Variants in BIN3 observed in about 807,000 individuals in gnomAD.
The protein encoded by BIN3 is bridging integrator 3.
In BIN3, 41 loss-of-function variants were observed where a neutral mutation model predicts 38.2. The ratio of observed to expected loss-of-function variants is 1.07; its 90% CI spans 0.84 to 1.39. The LOEUF (loss-of-function observed/expected upper bound fraction) is 1.39, where lower values mean the gene tolerates loss of function less well. Among genes scored for constraint, BIN3 ranks in the 40% most tolerant of loss-of-function variants. The probability of loss-of-function intolerance (pLI) is 0.00; values close to 1 mark genes in which losing one functional copy is unlikely to be tolerated. For missense variants in BIN3, 361 were observed against 324.3 expected, an observed-to-expected ratio of 1.11 and a Z score of -0.87; for synonymous variants, 145 against 122.6, an observed-to-expected ratio of 1.18 and a Z score of -1.21.
chr8:22,624,005 C>T lies in BIN3; in HGVS notation c.525G>A (p.Lys175=). 1 of 1,612,868 alleles carries T rather than the reference C, an allele frequency of 6.2e-7. No individual in the cohort carries two copies. The highest frequency in any genetic ancestry group is 8.5e-7 in the Non-Finnish European group (1 of 1,179,674). ...LRPVREDFEA[K]NRQLLEEMPR... Reference sequence around the variant, plus strand: ...GCATCTCCTCCAGCAGCTGCCTGTTCTTGGCTTCAAAGTCCTCCCGCACAG... The same window carrying T: ...GCATCTCCTCCAGCAGCTGCCTGTTTTTGGCTTCAAAGTCCTCCCGCACAG... Residue 175 remains lysine, a synonymous_variant, in exon 8 of 9, where the codon AAG becomes AAA. Transcript: ENST00000276416.
intron 6 of BIN3, chr8:22,625,111 G>C: frequency 1.9e-6 from 1 of 530,036 alleles, no homozygotes; most frequent in South Asian, 2.9e-5. Context: ...ACTGTGACTA[G>C]AAGGGACCGC....
chr8:22,644,104 T>C (rs1802644562), intron 2 of BIN3, among the ~76,000 whole-genome samples: 1 of 152,252 alleles, frequency 6.6e-6, no homozygotes, highest in Non-Finnish European at 1.5e-5. Context: ...GGGCCTCATT[T>C]TCTTCATCAG....
chr8:22,620,808 T>C lies in BIN3; in HGVS notation c.*614A>G, dbSNP rs1025726742. 1.3e-5 allele frequency: 2 copies of C among 152,296 alleles called. No homozygotes were observed. Among genetic ancestry groups the C allele is most frequent in the Admixed American group, 1.3e-4 (2 of 15,292 alleles). 9.4% of individuals were successfully genotyped at this position (152,296 alleles called of 1,614,324 possible). Reference sequence around the variant, plus strand: ...TCCTGCTTTGAGACCTGTGAATTCTTGTGGGACAGTTCCACTGACAGCTTG... The same window carrying C: ...TCCTGCTTTGAGACCTGTGAATTCTCGTGGGACAGTTCCACTGACAGCTTG... On this transcript the variant is annotated 3_prime_UTR_variant, in exon 9 of 9. Coordinates refer to ENST00000276416, the MANE Select transcript of BIN3 (RefSeq NM_018688.6).
rs1182050653 is a variant in BIN3 at position 22,669,098 on chromosome 8, T to C, written c.-47A>G. On this transcript the variant is annotated 5_prime_UTR_variant, in exon 1 of 9. Coordinates refer to ENST00000276416, the MANE Select transcript of BIN3 (RefSeq NM_018688.6). ...GCCGGGGTCCTCAGCCACAACTCGT[T>C]TCTCTAGGGTCACTTCCGGATTCAA... 1 of 1,578,364 alleles carries C rather than the reference T, an allele frequency of 6.3e-7. No individual in the cohort carries two copies. The highest frequency in any genetic ancestry group is 1.3e-5 in the African/African-American group (1 of 74,090).
intron 2 of BIN3, among the ~76,000 whole-genome samples, chr8:22,639,466 A>C (rs887624706): frequency 6.6e-6 from 1 of 152,152 alleles, no homozygotes; most frequent in Non-Finnish European, 1.5e-5. Context: ...TCCTGGCCTC[A>C]AGTGATCCTC....
At chr8:22,643,108 A>G (rs1178972350) in intron 2 of BIN3, among the ~76,000 whole-genome samples, 2 of 152,148 alleles carry the variant, frequency 1.3e-5, no homozygotes, top group African/African-American at 4.8e-5. Context: ...GAATAAAAGA[A>G]CCCTCTTGAA....
At chr8:22,667,035 C>T (rs927721963) in intron 1 of BIN3, among the ~76,000 whole-genome samples, 2 of 152,156 alleles carry the variant, frequency 1.3e-5, no homozygotes, top group African/African-American at 2.4e-5. Context: ...GCCCAGGCGC[C>T]GGTGCTGTTC....
chr8:22,659,149 G>A (rs1040925479), intron 1 of BIN3, among the ~76,000 whole-genome samples: 25 of 152,218 alleles, frequency 1.6e-4, no homozygotes, highest in African/African-American at 5.8e-4. Flanking sequence ...CCTCTGTGTC[G>A]GGCCAGCTGG....
intron 5 of BIN3, among the ~76,000 whole-genome samples, 181 bp downstream of exon 5, chr8:22,630,261 G>A (rs1218886271): frequency 6.6e-6 from 1 of 152,232 alleles, no homozygotes; most frequent in Non-Finnish European, 1.5e-5. Flanking sequence ...GGCAGGTAGA[G>A]CCAAGGCAGA....
At chr8:22,651,607 A>G (rs963860301) in intron 1 of BIN3, among the ~76,000 whole-genome samples, 1 of 152,266 alleles carries the variant, frequency 6.6e-6, no homozygotes, top group Non-Finnish European at 1.5e-5. Context: ...AATTTCTGCC[A>G]GAATTTCAAA....
In BIN3 at chr8:22,624,230, G is replaced by C. The variant is rs2117497930; in HGVS notation, c.472C>G (p.Leu158Val). 1 of 1,613,528 alleles carries C rather than the reference G, an allele frequency of 6.2e-7. No homozygotes were observed. Among genetic ancestry groups the C allele is most frequent in the South Asian group, 1.1e-5 (1 of 90,980 alleles). ...KEKTGPVLAK[L>V]HQAREELRPV... is the part of the protein sequence containing the mutation. ...CCTGTCTCCCCTGGTACCTGGTGGA[G>C]CTTGGCCAGCACTGGCCCCGTCTTC... Residue 158 changes from leucine (L) to valine (V), a missense_variant, in exon 7 of 9, where the codon CTC (leucine) becomes GTC (valine). Transcript: ENST00000276416.
intron 8 of BIN3, among the ~76,000 whole-genome samples, chr8:22,623,567 G>A (rs1247643574): frequency 1.3e-5 from 2 of 152,266 alleles, no homozygotes; most frequent in African/African-American, 2.4e-5. Context: ...CTTTCTTCTC[G>A]GCACCACCCT....
rs6998477 is a variant in BIN3, at chr8:22,643,752, A to G, written c.57+1003T>C. 2.2e-3 allele frequency among the ~76,000 whole-genome samples: 335 copies of G among 152,296 alleles called. 1 individual carries two copies. Among genetic ancestry groups the G allele is most frequent in the African/African-American group, 7.7e-3 (320 of 41,554 alleles). On this transcript the variant is annotated intron_variant, in intron 2 of 8. Transcript: ENST00000276416. ...TGTACTTTTGAGAGCTCTGCCAAGG[A>G]GGGGAGAAGCTAGTAAGACAAGGAG...
chr8:22,625,391 G>C (rs1027155594), intron 6 of BIN3: 2 of 702,482 alleles, frequency 2.8e-6, no homozygotes, highest in African/African-American at 1.7e-5. Flanking sequence ...AGGTGACCCA[G>C]GACCAGAAGA....
At chr8:22,643,384 G>A (rs965733063) in intron 2 of BIN3, among the ~76,000 whole-genome samples, 1 of 152,158 alleles carries the variant, frequency 6.6e-6, no homozygotes, top group Admixed American at 6.5e-5. Context: ...AGGGTGGAGT[G>A]CAGTGGTGCA....
intron 2 of BIN3, among the ~76,000 whole-genome samples, chr8:22,644,179 A>G (rs1802647232): frequency 6.6e-6 from 1 of 152,206 alleles, no homozygotes; most frequent in South Asian, 2.1e-4. Context: ...CTAAGAATCT[A>G]TGATTCTCTT....
chr8:22,667,772 G>A (rs1414277174), intron 1 of BIN3, among the ~76,000 whole-genome samples: 1 of 152,170 alleles, frequency 6.6e-6, no homozygotes, highest in Non-Finnish European at 1.5e-5. Context: ...CCGTGCTTGC[G>A]GTGATTGTCT....
chr8:22,659,144 G>C (rs138468161), intron 1 of BIN3, among the ~76,000 whole-genome samples: 2,096 of 152,362 alleles, frequency 0.014, 47 homozygotes, highest in African/African-American at 0.047. Flanking sequence ...GCCATCCTCT[G>C]TGTCGGGCCA....
intron 5 of BIN3, 116 bp downstream of exon 5, chr8:22,630,326 A>C (rs1270054060): frequency 7.0e-7 from 1 of 1,421,152 alleles, no homozygotes; most frequent in Non-Finnish European, 9.6e-7. Flanking sequence ...ACGAGGCCAG[A>C]GGGCTTAGAG....
Sources: allele counts gnomAD v4.1 joint callset (sites outside exome capture counted in the v4.1 genomes callset), GRCh38; gene constraint gnomAD v4.1.1; transcripts MANE v1.5; gene names NCBI Gene and HGNC (gene_info 2026-07-23, HGNC 2026-07-21).